Variants in HS3ST4 observed in about 807,000 individuals in gnomAD.
The protein encoded by HS3ST4 is heparan sulfate glucosamine 3-O-sulfotransferase 4.
Under a neutral mutation model 29.2 loss-of-function variants are expected in HS3ST4, and 17 were observed. The ratio of observed to expected loss-of-function variants is 0.58; its 90% CI spans 0.40 to 0.87. The LOEUF (loss-of-function observed/expected upper bound fraction) is 0.87, where lower values mean the gene tolerates loss of function less well. Ranked by LOEUF, HS3ST4 falls within the 40% of genes least tolerant of loss-of-function variation. HS3ST4 has a pLI of 0.00. For missense variants in HS3ST4, 627 were observed against 634.5 expected (o/e 0.99, Z 0.13); for synonymous variants, 314 against 285.7 (o/e 1.10, Z -1.00).
chr16:25,796,826 T>C (rs558464516), intron 1 of HS3ST4, among the ~76,000 whole-genome samples: 2 of 152,200 alleles, frequency 1.3e-5, no homozygotes, highest in Non-Finnish European at 2.9e-5. Flanking sequence ...GGGCGGGTTA[T>C]TCAGAAATAG....
intron 1 of HS3ST4, among the ~76,000 whole-genome samples, chr16:25,937,207 G>T (rs958299720): frequency 6.6e-6 from 1 of 152,056 alleles, no homozygotes; most frequent in African/African-American, 2.4e-5. Flanking sequence ...GTAGGTGGAA[G>T]AACTAATGTA....
chr16:26,024,452 C>T (rs1969447100), intron 1 of HS3ST4, among the ~76,000 whole-genome samples: 1 of 152,038 alleles, frequency 6.6e-6, no homozygotes, highest in Non-Finnish European at 1.5e-5. Flanking sequence ...AGTCTCAGGG[C>T]TGGGCGCAGT....
intron 1 of HS3ST4, among the ~76,000 whole-genome samples, chr16:26,089,953 G>A (rs1351286314): frequency 6.6e-6 from 1 of 152,094 alleles, no homozygotes; most frequent in Non-Finnish European, 1.5e-5. Flanking sequence ...ATAGAAAACA[G>A]TTGACCTGAC....
intron 1 of HS3ST4, among the ~76,000 whole-genome samples, chr16:26,026,926 G>A (rs756448648): frequency 1.8e-4 from 28 of 152,262 alleles, no homozygotes; most frequent in South Asian, 6.2e-4. Flanking sequence ...AACCTTTTGC[G>A]TGCACATGAA....
At chr16:25,873,474 CTAT>C (rs1967787431) in intron 1 of HS3ST4, among the ~76,000 whole-genome samples, 2 of 77,460 alleles carry the variant, frequency 2.6e-5, no homozygotes, top group South Asian at 3.2e-4. Context: ...ACCCATCCAT[CTAT>C]CTCTCTATCT....
chr16:25,841,039 C>T (rs1181945780), intron 1 of HS3ST4, among the ~76,000 whole-genome samples: 2 of 151,838 alleles, frequency 1.3e-5, no homozygotes, highest in African/African-American at 2.4e-5. Context: ...GAGTCTTGCT[C>T]TGTCACCTAC....
chr16:25,925,998 AT>A (rs1302121657), intron 1 of HS3ST4, among the ~76,000 whole-genome samples: 1 of 152,158 alleles, frequency 6.6e-6, no homozygotes, highest in East Asian at 1.9e-4. Flanking sequence ...TCCTATCTGT[AT>A]AGTGAATATT....
chr16:25,726,727 G>A (rs1368164414), intron 1 of HS3ST4, among the ~76,000 whole-genome samples: 3 of 152,194 alleles, frequency 2.0e-5, no homozygotes, highest in Non-Finnish European at 4.4e-5. Flanking sequence ...AGTCAATAGC[G>A]AGGGGAGAAG....
intron 1 of HS3ST4, among the ~76,000 whole-genome samples, chr16:26,106,988 A>C (rs1365632893): frequency 3.3e-5 from 5 of 151,946 alleles, no homozygotes; most frequent in Admixed American, 1.3e-4. Flanking sequence ...GCCCTCGACT[A>C]TCTAGAATGT....
intron 1 of HS3ST4, among the ~76,000 whole-genome samples, chr16:25,987,306 G>A (rs562412926): frequency 1.3e-5 from 2 of 151,342 alleles, no homozygotes; most frequent in South Asian, 2.1e-4. Context: ...CTGAGATCAC[G>A]CCATTGCAGT....
rs552442980 is a variant in HS3ST4 at position 25,952,013 on chromosome 16, T to C, written c.735-183599T>C. On this transcript the variant is annotated intron_variant, in intron 1 of 1. Transcript: ENST00000331351. ...AAAAAGAAAAAGGAAAAAAAAAGAA[T>C]AATATTTTGTAGTACATGAAAATCA... 3.9e-5 allele frequency among the ~76,000 whole-genome samples: 6 copies of C among 152,056 alleles called. No individual in the cohort carries two copies. In the East Asian group the frequency reaches 1.2e-3, roughly 29 times the overall value.
At chr16:25,933,022 T>TC (rs1167818319) in intron 1 of HS3ST4, among the ~76,000 whole-genome samples, 2 of 152,168 alleles carry the variant, frequency 1.3e-5, no homozygotes, top group African/African-American at 2.4e-5. Flanking sequence ...GGTGTCTGCT[T>TC]CCAGATTTCT....
At chr16:25,869,525 C>T (rs538234715) in intron 1 of HS3ST4, among the ~76,000 whole-genome samples, 1 of 152,216 alleles carries the variant, frequency 6.6e-6, no homozygotes, top group African/African-American at 2.4e-5. Context: ...ACAAGTCTCA[C>T]AAGTAGTGCA....
At chr16:25,733,689 G>A (rs547594697) in intron 1 of HS3ST4, among the ~76,000 whole-genome samples, 9 of 152,262 alleles carry the variant, frequency 5.9e-5, no homozygotes, top group Non-Finnish European at 1.2e-4. Flanking sequence ...AATCTGGGGG[G>A]CGGGGGGAAA....
chr16:25,805,086 T>C (rs967188217), intron 1 of HS3ST4, among the ~76,000 whole-genome samples: 1 of 152,120 alleles, frequency 6.6e-6, no homozygotes, highest in Non-Finnish European at 1.5e-5. Flanking sequence ...TCTGTTTGGT[T>C]GATTGCTTGG....
chr16:26,096,147 C>G (rs772699995), intron 1 of HS3ST4, among the ~76,000 whole-genome samples: 28 of 152,136 alleles, frequency 1.8e-4, no homozygotes, highest in Middle Eastern at 3.2e-3. Context: ...AGATTCACAG[C>G]CGAATACTAC....
chr16:25,715,185 G>A (rs1043890667), intron 1 of HS3ST4, among the ~76,000 whole-genome samples: 67 of 151,902 alleles, frequency 4.4e-4, no homozygotes, highest in Non-Finnish European at 7.5e-4. Flanking sequence ...AGCCGGGCGC[G>A]GTGGCGGGCG....
intron 1 of HS3ST4, among the ~76,000 whole-genome samples, chr16:25,928,070 A>C (rs183005445): frequency 6.8e-4 from 101 of 148,852 alleles, no homozygotes; most frequent in African/African-American, 2.4e-3. Context: ...GTAGCCAGGC[A>C]TGCCGGTGCT....
chr16:25,889,802 G>A (rs1049572544), intron 1 of HS3ST4, among the ~76,000 whole-genome samples: 1 of 152,108 alleles, frequency 6.6e-6, no homozygotes, highest in African/African-American at 2.4e-5. Context: ...GGGCTCGGTA[G>A]GAGGTAATTG....
Sources: gnomAD v4.1 joint callset for allele counts (sites outside exome capture counted in the v4.1 genomes callset) on GRCh38, gnomAD v4.1.1 for gene constraint, MANE v1.5 for transcripts, NCBI Gene and HGNC (gene_info 2026-07-23, HGNC 2026-07-21) for gene names.